Variants in MPP7 observed in about 807,000 individuals in gnomAD.
MPP7 encodes the protein MAGUK p55 scaffold protein 7, also known as MAGUK p55 subfamily member 7.
A neutral mutation model predicts 76.5 loss-of-function variants in MPP7; 60 were observed. The observed-to-expected ratio is 0.78, with a 90% CI of 0.64 to 0.97. The LOEUF is 0.97. Among genes scored for constraint, MPP7 ranks in the 50% least tolerant of loss-of-function variants. The pLI, the probability that MPP7 is intolerant of heterozygous loss-of-function variation, is 0.00. For missense variants in MPP7, 641 were observed against 694.0 expected, an observed-to-expected ratio of 0.92 and a Z score of 0.86; for synonymous variants, 237 against 244.5, an observed-to-expected ratio of 0.97 and a Z score of 0.29.
chr10:28,166,322 C>T (rs922814620), intron 3 of MPP7, among the ~76,000 whole-genome samples: 3 of 151,804 alleles, frequency 2.0e-5, no homozygotes, highest in Non-Finnish European at 2.9e-5. Flanking sequence ...TTACATCTAA[C>T]CCTGTGTGCC....
chr10:28,293,351 C>T (rs1840966525), intron 1 of MPP7, among the ~76,000 whole-genome samples: 1 of 152,200 alleles, frequency 6.6e-6, no homozygotes, highest in Non-Finnish European at 1.5e-5. Context: ...AGAACAATAA[C>T]ATATCACTTT....
intron 2 of MPP7, among the ~76,000 whole-genome samples, chr10:28,229,973 T>C (rs998520952): frequency 1.3e-5 from 2 of 151,876 alleles, no homozygotes; most frequent in Non-Finnish European, 2.9e-5. Flanking sequence ...AGAATGAAAA[T>C]ACATGACACA....
intron 3 of MPP7, among the ~76,000 whole-genome samples, chr10:28,184,726 T>A (rs1837172041): frequency 6.8e-6 from 1 of 147,970 alleles, no homozygotes; most frequent in Non-Finnish European, 1.5e-5. Context: ...AAAGATATTA[T>A]CCTAATATAT....
chr10:28,069,835 GC>G lies in MPP7; in HGVS notation c.1140del (p.Leu381Ter), dbSNP rs1326814973. 6.2e-7 allele frequency: 1 copy of G among 1,613,632 alleles called. No homozygotes were observed. Among genetic ancestry groups the G allele is most frequent in the Non-Finnish European group, 8.5e-7 (1 of 1,179,900 alleles). On this transcript the variant is annotated frameshift_variant, in exon 13 of 17. Transcript: ENST00000683449. LOFTEE classifies it high-confidence loss of function. ...LVVLVGPVGV[G>X]LNELKRKLLI... is the part of the protein sequence containing the mutation. ...AGCAGCTTTCGTTTCAGTTCATTCAGCCCTACTCCCACGGGACCTGAAAAAC... is the reference window on the plus strand; with the variant it reads ...AGCAGCTTTCGTTTCAGTTCATTCAGCCTACTCCCACGGGACCTGAAAAAC...
chr10:28,059,200 A>G (rs2133323845), intron 14 of MPP7, among the ~76,000 whole-genome samples: 1 of 152,354 alleles, frequency 6.6e-6, no homozygotes, highest in Middle Eastern at 3.4e-3. Flanking sequence ...GGAGCTAGCT[A>G]GAGAAGACGG....
intron 11 of MPP7, among the ~76,000 whole-genome samples, chr10:28,099,449 G>A (rs2094495671): frequency 6.6e-6 from 1 of 152,170 alleles, no homozygotes; most frequent in South Asian, 2.1e-4. Context: ...CATGGGAAAA[G>A]AGGTCCTAGT....
intron 12 of MPP7, among the ~76,000 whole-genome samples, chr10:28,071,985 T>C (rs967553357): frequency 1.3e-5 from 2 of 152,200 alleles, no homozygotes; most frequent in South Asian, 2.1e-4. Context: ...CCAAGAGTAG[T>C]ATATGGGGCC....
intron 2 of MPP7, among the ~76,000 whole-genome samples, chr10:28,316,304 G>T (rs1834320237): frequency 6.6e-6 from 1 of 151,708 alleles, no homozygotes; most frequent in Admixed American, 6.6e-5. Context: ...GGGCATGGTG[G>T]CACGCCTGTA....
At chr10:28,077,735 T>A (rs1158751286) in intron 12 of MPP7, among the ~76,000 whole-genome samples, 1 of 152,226 alleles carries the variant, frequency 6.6e-6, no homozygotes, top group East Asian at 1.9e-4. Flanking sequence ...ATTGGTGAAA[T>A]ACACTTACAC....
chr10:28,101,129 G>GA (rs973443843), intron 11 of MPP7, among the ~76,000 whole-genome samples: 3 of 152,038 alleles, frequency 2.0e-5, no homozygotes, highest in African/African-American at 7.2e-5. Context: ...CTTTCTGTCA[G>GA]AAAAAAATAT....
chr10:28,145,889 T>C (rs1049481668), intron 5 of MPP7, among the ~76,000 whole-genome samples: 4 of 152,222 alleles, frequency 2.6e-5, no homozygotes, highest in African/African-American at 9.6e-5. Context: ...TCTAAAGTCA[T>C]ACCTCCCTCT....
chr10:28,223,917 C>T (rs545075514), intron 2 of MPP7, among the ~76,000 whole-genome samples: 1 of 151,086 alleles, frequency 6.6e-6, no homozygotes, highest in East Asian at 1.9e-4. Context: ...CAATTTTGGC[C>T]AGGTGCGGTG....
intron 2 of MPP7, among the ~76,000 whole-genome samples, chr10:28,318,062 G>T (rs1444368402): frequency 3.3e-5 from 5 of 152,152 alleles, no homozygotes; most frequent in African/African-American, 1.2e-4. Flanking sequence ...TCTATTTAGA[G>T]CCTTGGCAAC....
chr10:28,238,450 G>A (rs554249829), intron 2 of MPP7, 118 bp downstream of exon 2: 4 of 1,062,856 alleles, frequency 3.8e-6, no homozygotes, highest in Non-Finnish European at 5.7e-6. Context: ...TGTCCCTAGT[G>A]TTGGTGACAG....
At position 28,069,819 on chromosome 10, in the gene MPP7, C is replaced by T. The variant is rs147738330; in HGVS notation, c.1157G>A (p.Arg386Gln). 22 of 1,613,840 alleles carry T rather than the reference C, an allele frequency of 1.4e-5. No homozygotes were observed. Among genetic ancestry groups the T allele is most frequent in the Non-Finnish European group, 1.9e-5 (22 of 1,179,990 alleles). ...PVGVGLNELK[R>Q]KLLISDTQHY... The stretch of plus-strand genomic sequence containing the variant: ...CTGGGTGTCACTGATCAGCAGCTTT[C>T]GTTTCAGTTCATTCAGCCCTACTCC... Residue 386 changes from arginine to glutamine, a missense_variant, in exon 13 of 17, where the codon CGA becomes CAA. Physicochemically the swap from Arg to Gln is conservative, Grantham distance 43 (BLOSUM62 1). Transcript: ENST00000683449.
chr10:28,276,332 T>C (rs1404786795), intron 1 of MPP7, among the ~76,000 whole-genome samples: 1 of 152,084 alleles, frequency 6.6e-6, no homozygotes, highest in Non-Finnish European at 1.5e-5. Flanking sequence ...TGCCTGGCCT[T>C]GTCACATGCT....
At chr10:28,257,753 AAAAAAAAG>A (rs1839832167) in intron 1 of MPP7, among the ~76,000 whole-genome samples, 1 of 151,330 alleles carries the variant, frequency 6.6e-6, no homozygotes, top group Non-Finnish European at 1.5e-5. Flanking sequence ...AATAAAAAAA[AAAAAAAAG>A]AAAAGAAAGC....
chr10:28,221,522 G>C (rs553038486), intron 2 of MPP7, among the ~76,000 whole-genome samples: 17 of 152,224 alleles, frequency 1.1e-4, no homozygotes, highest in African/African-American at 3.6e-4. Flanking sequence ...AGTAACTGCT[G>C]GTTCACCATT....
At chr10:28,310,949 T>TA (rs1281982963) in intron 2 of MPP7, among the ~76,000 whole-genome samples, 2 of 152,338 alleles carry the variant, frequency 1.3e-5, no homozygotes, top group East Asian at 3.9e-4. Context: ...ATTTTTCTCT[T>TA]AGCTAAAATT....
Sources: gnomAD v4.1 joint callset for allele counts (sites outside exome capture counted in the v4.1 genomes callset) on GRCh38, gnomAD v4.1.1 for gene constraint, MANE v1.5 for transcripts, NCBI Gene and HGNC (gene_info 2026-07-23, HGNC 2026-07-21) for gene names.